Variants in NECTIN1 observed in about 807,000 individuals in gnomAD.
NECTIN1 encodes the protein nectin cell adhesion molecule 1.
NECTIN1 carries 23 observed loss-of-function variants against 48.0 expected under a neutral mutation model. The observed-to-expected ratio is 0.48, with a 90% CI of 0.34 to 0.68. The LOEUF is 0.68. Ranked by LOEUF, NECTIN1 falls within the 30% of genes least tolerant of loss-of-function variation. The probability of loss-of-function intolerance (pLI) is 0.01; values close to 1 mark genes in which losing one functional copy is unlikely to be tolerated. For missense variants in NECTIN1, 591 were observed against 709.9 expected, an observed-to-expected ratio of 0.83 and a Z score of 1.90; for synonymous variants, 270 against 288.9, an observed-to-expected ratio of 0.93 and a Z score of 0.66.
chr11:119,663,030 A>AGGGGT lies in NECTIN1; in HGVS notation c.*1712_*1716dup. On this transcript the variant is annotated 3_prime_UTR_variant, in exon 6 of 6. Coordinates refer to ENST00000264025, the MANE Select transcript of NECTIN1 (RefSeq NM_002855.5). ...ATAGCAGCACCAGGGAGGGGAGGGGAGGGGTTGGGGGGCTCCCTTAGGAAG... is the reference window on the plus strand; with the variant it reads ...ATAGCAGCACCAGGGAGGGGAGGGGAGGGGTGGGGTTGGGGGGCTCCCTTAGGAAG... The AGGGGT allele has an allele frequency of 4.3e-6, 2 of 461,658 alleles. No individual in the cohort carries two copies. Among genetic ancestry groups the AGGGGT allele is most frequent in the Non-Finnish European group, 5.1e-6 (2 of 388,826 alleles). 28.6% of individuals were successfully genotyped at this position (461,658 alleles called of 1,614,324 possible).
intron 1 of NECTIN1, among the ~76,000 whole-genome samples, chr11:119,696,550 G>A (rs902113502): frequency 6.6e-6 from 1 of 152,198 alleles, no homozygotes; most frequent in African/African-American, 2.4e-5. Context: ...CCAGAATCAG[G>A]TGCCCTGTCC....
rs1015290207 is a variant in NECTIN1, at chr11:119,664,763, T to C, written c.1538A>G (p.Lys513Arg). Residue 513 changes from lysine (K) to arginine (R), a missense_variant, in exon 6 of 6, where the codon AAG (lysine) becomes AGG (arginine). Transcript: ENST00000264025. The stretch of plus-strand genomic sequence containing the variant: ...GAAGGGGGGCTACACGTACCACTCC[T>C]TCTTGGAAATGAAAGACCCGTCGTT... ...SQNDGSFISK[K>R]EWYV The C allele has an allele frequency of 3.2e-5, 51 of 1,611,684 alleles. No individual in the cohort carries two copies. The highest frequency in any genetic ancestry group is 4.1e-5 in the Non-Finnish European group (48 of 1,178,722).
chr11:119,644,384 A>G (rs558422120), intron 5 of NECTIN1, among the ~76,000 whole-genome samples: 1 of 152,176 alleles, frequency 6.6e-6, no homozygotes, highest in South Asian at 2.1e-4. Context: ...AGCAATCTTC[A>G]CCTGCTTCTC....
chr11:119,694,642 T>G (rs1865312251), intron 1 of NECTIN1, among the ~76,000 whole-genome samples: 1 of 152,158 alleles, frequency 6.6e-6, no homozygotes, highest in African/African-American at 2.4e-5. Flanking sequence ...GGGCAACACG[T>G]TTGCTCTTTG....
chr11:119,723,081 T>C (rs1865859439), intron 1 of NECTIN1, among the ~76,000 whole-genome samples: 1 of 151,890 alleles, frequency 6.6e-6, no homozygotes, highest in South Asian at 2.1e-4. Context: ...TAGCCAGGTG[T>C]GGTGGCACCT....
chr11:119,685,134 C>A (rs1865133954), intron 1 of NECTIN1, among the ~76,000 whole-genome samples: 1 of 152,236 alleles, frequency 6.6e-6, no homozygotes, highest in African/African-American at 2.4e-5. Flanking sequence ...TCCCCTGCTG[C>A]CTGCAGTGCA....
intron 1 of NECTIN1, among the ~76,000 whole-genome samples, chr11:119,704,821 G>A (rs765758548): frequency 2.6e-5 from 4 of 152,226 alleles, no homozygotes; most frequent in African/African-American, 9.6e-5. Context: ...CCATGACTGC[G>A]CACGCCAGGG....
At chr11:119,685,401 C>T (rs1020575767) in intron 1 of NECTIN1, among the ~76,000 whole-genome samples, 6 of 152,196 alleles carry the variant, frequency 3.9e-5, no homozygotes, top group Non-Finnish European at 5.9e-5. Context: ...GGAAAAGCCC[C>T]GAGAAGGAGG....
exon 8 of NECTIN1, chr11:119,638,238 G>A: frequency 1.9e-6 from 3 of 1,614,042 alleles, no homozygotes; most frequent in Non-Finnish European, 2.5e-6. Flanking sequence ...CCTGGGTCCA[G>A]GTGGACAACC....
rs756552126 is a variant in NECTIN1, at chr11:119,728,580, G to T, written c.-27C>A. On this transcript the variant is annotated 5_prime_UTR_variant, in exon 1 of 6. Coordinates refer to ENST00000264025, the MANE Select transcript of NECTIN1 (RefSeq NM_002855.5). ...GGGGGCCGGGGGTCCGGCGAGAGGG[G>T]CGGCGAGGGCAGCGCTCCTCGCGCA... 1 of 1,517,270 alleles carries T rather than the reference G, an allele frequency of 6.6e-7. No individual in the cohort carries two copies. Among genetic ancestry groups the T allele is most frequent in the Non-Finnish European group, 9.0e-7 (1 of 1,116,546 alleles). 94.0% of individuals were successfully genotyped at this position (1,517,270 alleles called of 1,614,324 possible).
chr11:119,662,635 T>G lies in NECTIN1; in HGVS notation c.*2112A>C. The G allele has an allele frequency of 1.0e-6, 1 of 985,614 alleles. No individual in the cohort carries two copies. 61.1% of individuals were successfully genotyped at this position (985,614 alleles called of 1,614,324 possible). On this transcript the variant is annotated 3_prime_UTR_variant, in exon 6 of 6. Transcript: ENST00000264025. This position sits in a 1 kb window ranked among gnomAD's most constrained non-coding sequence, Gnocchi z 5.3. ...CAGGCAGGCCCCTGGGATTGCCTCCTGCCTGGGGGAAAAGGGGACCAAGCA... is the reference window on the plus strand; with the variant it reads ...CAGGCAGGCCCCTGGGATTGCCTCCGGCCTGGGGGAAAAGGGGACCAAGCA...
chr11:119,653,897 G>C (rs1466858240), intron 5 of NECTIN1: 2 of 152,174 alleles, frequency 1.3e-5, no homozygotes, highest in African/African-American at 4.8e-5. Flanking sequence ...TACTCACGTA[G>C]ATTGAGAAAT....
At chr11:119,690,397 C>T (rs539256490) in intron 1 of NECTIN1, among the ~76,000 whole-genome samples, 35 of 152,260 alleles carry the variant, frequency 2.3e-4, no homozygotes, top group African/African-American at 8.2e-4. Flanking sequence ...GGATCACAGA[C>T]CTCCGAGCTG....
intron 1 of NECTIN1, among the ~76,000 whole-genome samples, chr11:119,720,862 G>T (rs149881588): frequency 2.0e-4 from 30 of 152,158 alleles, no homozygotes; most frequent in Admixed American, 2.0e-3. Flanking sequence ...GACAAGGAAC[G>T]CGAGCTGGGG....
rs1865007835 is a variant in NECTIN1, at chr11:119,678,726, T to C, written c.119A>G (p.Tyr40Cys). 3 of 1,613,434 alleles carry C rather than the reference T, an allele frequency of 1.9e-6. No homozygotes were observed. Among genetic ancestry groups the C allele is most frequent in the Non-Finnish European group, 2.5e-6 (3 of 1,179,850 alleles). The change falls in exon 2 of 6, where the codon TAT (tyrosine) becomes TGT (cysteine). Residue 40 changes from tyrosine (Y) to cysteine (C), a missense_variant. Physicochemically the swap from Tyr to Cys is radical, Grantham distance 194. Transcript: ENST00000264025. This position sits in a 1 kb window ranked among gnomAD's most constrained non-coding sequence, Gnocchi z 4.4. ...AACCACGTCTGTGCCGATGAAGCCA[T>C]ACATGGAGTCGTTCACCTGGACCAC... ...SQVVQVNDSM[Y>C]GFIGTDVVLH... is the part of the protein sequence containing the mutation.
At chr11:119,671,160 T>G (rs1864856389) in intron 5 of NECTIN1, among the ~76,000 whole-genome samples, 1 of 151,582 alleles carries the variant, frequency 6.6e-6, no homozygotes, top group Admixed American at 6.6e-5. Context: ...AGGGGCTGTC[T>G]GGCGTGGAGT....
intron 1 of NECTIN1, among the ~76,000 whole-genome samples, chr11:119,691,477 C>A (rs1359687597): frequency 6.6e-6 from 1 of 152,248 alleles, no homozygotes; most frequent in African/African-American, 2.4e-5. Context: ...GAAGGCTGCT[C>A]TGCGGGTGGT....
chr11:119,674,355 C>T, intron 5 of NECTIN1: 1 of 1,429,610 alleles, frequency 7.0e-7, no homozygotes, highest in Non-Finnish European at 9.2e-7. Flanking sequence ...TTTGATGCTT[C>T]CATTAATAAT....
intron 5 of NECTIN1, chr11:119,642,055 T>G (rs559214365): frequency 1.1e-4 from 16 of 152,316 alleles, no homozygotes; most frequent in African/African-American, 3.9e-4. Context: ...CTACAGACTG[T>G]GATTGCACGT....
Sources: allele counts gnomAD v4.1 joint callset (sites outside exome capture counted in the v4.1 genomes callset), GRCh38; gene constraint gnomAD v4.1.1; non-coding constraint Gnocchi (gnomAD v3.1); transcripts MANE v1.5; gene names NCBI Gene and HGNC (gene_info 2026-07-23, HGNC 2026-07-21).